The following DLG2 variants were observed in gnomAD, a reference collection of about 807,000 sequenced individuals.
DLG2 encodes discs large MAGUK scaffold protein 2.
DLG2 carries 45 observed loss-of-function variants against 132.5 expected under a neutral mutation model. The ratio of observed to expected loss-of-function variants is 0.34; its 90% CI spans 0.27 to 0.44. DLG2 has a LOEUF of 0.44. Among genes scored for constraint, DLG2 ranks in the 20% least tolerant of loss-of-function variants. The pLI is 1.00. For missense variants in DLG2, 1,045 were observed against 1,196.9 expected (o/e 0.87, Z 1.87); for synonymous variants, 424 against 419.6 (o/e 1.01, Z -0.13).
At chr11:85,512,383 T>TA (rs2094093132) in intron 3 of DLG2, among the ~76,000 whole-genome samples, 1 of 152,158 alleles carries the variant, frequency 6.6e-6, no homozygotes, top group Admixed American at 6.6e-5. Flanking sequence ...ATACAGTTTT[T>TA]ATTCTAAAAC....
At chr11:84,554,672 G>A (rs555042970) in intron 6 of DLG2, among the ~76,000 whole-genome samples, 6 of 152,066 alleles carry the variant, frequency 3.9e-5, no homozygotes, top group Non-Finnish European at 8.8e-5. Context: ...CTTGAACACA[G>A]GATGGGGAGG....
chr11:83,945,854 G>A (rs1390187797), intron 14 of DLG2, among the ~76,000 whole-genome samples: 1 of 133,740 alleles, frequency 7.5e-6, no homozygotes, highest in Non-Finnish European at 1.6e-5. Flanking sequence ...GTTTTCTAAT[G>A]TGCTTTTACT....
chr11:83,596,684 C>G (rs1432461086), intron 19 of DLG2, among the ~76,000 whole-genome samples: 3 of 152,166 alleles, frequency 2.0e-5, no homozygotes, highest in Non-Finnish European at 4.4e-5. Flanking sequence ...TGAACCTAAT[C>G]TATCTTAAAA....
intron 6 of DLG2, among the ~76,000 whole-genome samples, chr11:85,059,537 G>A (rs1220730919): frequency 6.6e-6 from 1 of 151,620 alleles, no homozygotes; most frequent in Non-Finnish European, 1.5e-5. Flanking sequence ...AAATAGTGAG[G>A]TGTATTCGTA....
chr11:85,063,819 A>G (rs544794678), intron 6 of DLG2, among the ~76,000 whole-genome samples: 42 of 151,938 alleles, frequency 2.8e-4, no homozygotes, highest in African/African-American at 9.6e-4. Flanking sequence ...ATTTATATCA[A>G]ATGGTACCAG....
chr11:84,293,545 G>T (rs1262614051), intron 7 of DLG2, among the ~76,000 whole-genome samples: 2 of 152,042 alleles, frequency 1.3e-5, no homozygotes, highest in Non-Finnish European at 2.9e-5. Context: ...ATAGTGGCAG[G>T]CACCTGTAAT....
chr11:84,732,453 C>T (rs2063273553), intron 6 of DLG2, among the ~76,000 whole-genome samples: 1 of 151,964 alleles, frequency 6.6e-6, no homozygotes, highest in African/African-American at 2.4e-5. Flanking sequence ...TTCACTGTAG[C>T]CATTCTAATA....
At chr11:84,604,327 T>C (rs141358780) in intron 6 of DLG2, among the ~76,000 whole-genome samples, 107 of 151,902 alleles carry the variant, frequency 7.0e-4, no homozygotes, top group African/African-American at 2.4e-3. Flanking sequence ...ATTAAGATAA[T>C]TGAAGAAAGT....
At chr11:84,547,049 C>T (rs544854882) in intron 6 of DLG2, among the ~76,000 whole-genome samples, 79 of 152,292 alleles carry the variant, frequency 5.2e-4, no homozygotes, top group African/African-American at 1.7e-3. Flanking sequence ...ATTAAACCCT[C>T]TGAGACATGG....
At chr11:83,924,958 T>C (rs987635965) in intron 15 of DLG2, among the ~76,000 whole-genome samples, 5 of 152,104 alleles carry the variant, frequency 3.3e-5, no homozygotes, top group African/African-American at 1.2e-4. Context: ...GACGGGGCCA[T>C]TTCTTTGTGT....
intron 7 of DLG2, among the ~76,000 whole-genome samples, chr11:84,319,127 T>G (rs545508773): frequency 3.9e-5 from 6 of 152,212 alleles, no homozygotes; most frequent in Non-Finnish European, 7.3e-5. Flanking sequence ...AGTTTTTGCC[T>G]TCTTAAAGAA....
chr11:85,163,425 T>C (rs925864753), intron 4 of DLG2, among the ~76,000 whole-genome samples: 5 of 152,218 alleles, frequency 3.3e-5, no homozygotes, highest in African/African-American at 1.2e-4. Context: ...TTATATTACA[T>C]ATATAGATCA....
chr11:85,553,497 T>C (rs1014357729), intron 3 of DLG2, among the ~76,000 whole-genome samples: 1 of 151,610 alleles, frequency 6.6e-6, no homozygotes, highest in Admixed American at 6.6e-5. Context: ...GTTTGTATTT[T>C]TGGTAGAAAT....
At chr11:85,106,360 G>A (rs759242137) in intron 6 of DLG2, among the ~76,000 whole-genome samples, 28 of 151,942 alleles carry the variant, frequency 1.8e-4, no homozygotes, top group East Asian at 1.4e-3. Flanking sequence ...CTATGTCATC[G>A]GTTCCTGCCA....
At chr11:84,740,353 C>A (rs2064434327) in intron 6 of DLG2, among the ~76,000 whole-genome samples, 1 of 152,120 alleles carries the variant, frequency 6.6e-6, no homozygotes, top group Admixed American at 6.5e-5. Context: ...GCTCCATTGC[C>A]ACTGGATATA....
rs963833039 is a variant in DLG2 at position 85,611,794 on chromosome 11, T to C, written c.-92-13006A>G. Among the ~76,000 whole-genome samples the C allele has an allele frequency of 5.3e-5, 8 of 152,218 alleles. 1 individual carries two copies. Among genetic ancestry groups the C allele is most frequent in the Admixed American group, 5.2e-4 (8 of 15,286 alleles). ...CCCATTAAATACCACAAGGAAATCA[T>C]GGAGTTATTGCACTCAGTGCAAAAA... On this transcript the variant is annotated intron_variant, in intron 2 of 27. Coordinates refer to ENST00000376104, the MANE Select transcript of DLG2 (RefSeq NM_001142699.3).
intron 6 of DLG2, among the ~76,000 whole-genome samples, chr11:84,931,428 T>C (rs1199080350): frequency 6.6e-6 from 1 of 152,022 alleles, no homozygotes; most frequent in Non-Finnish European, 1.5e-5. Context: ...TTTGCTTTTC[T>C]ATTCCTGTGT....
At chr11:84,184,667 T>C (rs12797922) in intron 8 of DLG2, among the ~76,000 whole-genome samples, 13 of 152,280 alleles carry the variant, frequency 8.5e-5, no homozygotes, top group Admixed American at 7.2e-4. Flanking sequence ...CTGAATGGTA[T>C]TGCCTAGGTT....
chr11:85,459,673 T>C (rs1324920615), intron 3 of DLG2, among the ~76,000 whole-genome samples: 3 of 152,132 alleles, frequency 2.0e-5, no homozygotes, highest in Non-Finnish European at 4.4e-5. Flanking sequence ...GAGATGCCCA[T>C]GTAGTGACTG....
Sources: allele counts gnomAD v4.1 joint callset (sites outside exome capture counted in the v4.1 genomes callset), GRCh38; gene constraint gnomAD v4.1.1; transcripts MANE v1.5; gene names NCBI Gene and HGNC (gene_info 2026-07-23, HGNC 2026-07-21).